The following UGT1A4 variants were observed in gnomAD, a reference collection of about 807,000 sequenced individuals.
UGT1A4 encodes UDP-glucuronosyltransferase 1A4.
UGT1A4 carries 32 observed loss-of-function variants against 41.1 expected under a neutral mutation model. The ratio of observed to expected loss-of-function variants is 0.78; its 90% CI spans 0.59 to 1.05. The LOEUF is 1.05. Among genes scored for constraint, UGT1A4 ranks in the 50% least tolerant of loss-of-function variants. The pLI is 0.00. For missense variants in UGT1A4, 748 were observed against 677.4 expected, an observed-to-expected ratio of 1.10 and a Z score of -1.16; for synonymous variants, 283 against 265.1, an observed-to-expected ratio of 1.07 and a Z score of -0.66.
In UGT1A4 at chr2:233,768,225, C is replaced by T; in HGVS notation, c.1093C>T (p.Pro365Ser). 6.2e-7 allele frequency: 1 copy of T among 1,614,112 alleles called. No homozygotes were observed. The highest frequency in any genetic ancestry group is 8.5e-7 in the Non-Finnish European group (1 of 1,180,032). Reference protein sequence around the residue: ...WLPQNDLLGHPMTRAFITHAG... With the variant: ...WLPQNDLLGHSMTRAFITHAG... Reference sequence around the variant, plus strand: ...CTCCCTATTTTGCATCTCAGGTCACCCGATGACCCGTGCCTTTATCACCCA... The same window carrying T: ...CTCCCTATTTTGCATCTCAGGTCACTCGATGACCCGTGCCTTTATCACCCA... Residue 365 changes from proline (P) to serine (S), a missense_variant, in exon 4 of 5, where the codon CCG becomes TCG. Pro to Ser is a moderately conservative substitution (Grantham distance 74). Transcript: ENST00000373409.
intron 1 of UGT1A4, among the ~76,000 whole-genome samples, chr2:233,733,272 C>A (rs1167854143): frequency 6.6e-6 from 1 of 152,152 alleles, no homozygotes; most frequent in African/African-American, 2.4e-5. Context: ...TATTTGACTT[C>A]CTCTTTTCCT....
rs1342997030 is a variant in UGT1A4 at position 233,718,971 on chromosome 2, C to T, written c.151C>T (p.Leu51Phe). The stretch of plus-strand genomic sequence containing the variant: ...CAGCATGCGGGAGGCCTTGCGGGAG[C>T]TCCATGCCAGAGGCCACCAGGCGGT... ...WLSMREALRELHARGHQAVVL... is the reference protein window; with the variant it reads ...WLSMREALREFHARGHQAVVL... Residue 51 changes from leucine (L) to phenylalanine (F), a missense_variant, in exon 1 of 5, where the codon CTC becomes TTC. Physicochemically the swap from Leu to Phe is conservative, Grantham distance 22 (BLOSUM62 0). Transcript: ENST00000373409. 5 of 1,614,090 alleles carry T rather than the reference C, an allele frequency of 3.1e-6. No individual in the cohort carries two copies. The highest frequency in any genetic ancestry group is 1.6e-4 in the Middle Eastern group (1 of 6,080).
Position 233,772,467 on chromosome 2 carries a change from T to C in UGT1A4, c.1513T>C (p.Phe505Leu), listed in dbSNP as rs761746377. Residue 505 changes from phenylalanine to leucine, a missense_variant, in exon 5 of 5, where the codon TTC becomes CTC. Transcript: ENST00000373409. ...FLLAVVLTVA[F>L]ITFKCCAYGY... is the part of the protein sequence containing the mutation. ...CTTGGCCGTCGTGCTGACAGTGGCC[T>C]TCATCACCTTTAAATGTTGTGCTTA... is the stretch of plus-strand genomic sequence containing the variant. 2 of 1,614,038 alleles carry C rather than the reference T, an allele frequency of 1.2e-6. No individual in the cohort carries two copies. The highest frequency in any genetic ancestry group is 1.3e-5 in the African/African-American group (1 of 74,916).
At chr2:233,768,166 A>G in intron 3 of UGT1A4, 54 bp from the exon 4 acceptor site, 2 of 1,613,684 alleles carry the variant, frequency 1.2e-6, no homozygotes, top group Non-Finnish European at 1.7e-6. Flanking sequence ...AGATGTGTCC[A>G]GCTGTGAAAC....
intron 1 of UGT1A4, among the ~76,000 whole-genome samples, chr2:233,749,338 G>A (rs996223048): frequency 2.0e-5 from 3 of 151,868 alleles, no homozygotes; most frequent in Admixed American, 6.5e-5. Flanking sequence ...GTTGAAAAGT[G>A]GGATGGAATT....
intron 1 of UGT1A4, among the ~76,000 whole-genome samples, chr2:233,746,609 G>T (rs1693438310): frequency 6.6e-6 from 1 of 151,680 alleles, no homozygotes; most frequent in Admixed American, 6.5e-5. Flanking sequence ...CTGTTCACCT[G>T]ACCCCTCCTT....
At chr2:233,746,859 G>T (rs1300459019) in intron 1 of UGT1A4, among the ~76,000 whole-genome samples, 1 of 151,794 alleles carries the variant, frequency 6.6e-6, no homozygotes, top group South Asian at 2.1e-4. Context: ...CTCAGCTGCA[G>T]CCTGATAAAC....
Position 233,767,934 on chromosome 2 carries a change from T to C in UGT1A4, c.1085T>C (p.Leu362Pro). 6.2e-7 allele frequency: 1 copy of C among 1,614,184 alleles called. No homozygotes were observed. Among genetic ancestry groups the C allele is most frequent in the Non-Finnish European group, 8.5e-7 (1 of 1,180,038 alleles). The stretch of plus-strand genomic sequence containing the variant: ...AAGTGGCTACCCCAAAACGATCTGC[T>C]TGGTATGTTGGGCGGATTGGATGTA... ...LVKWLPQNDL[L>P]GHPMTRAFIT... The change falls in exon 3 of 5, where the codon CTT becomes CCT. Residue 362 changes from leucine to proline, a missense_variant and splice_region_variant. Leu to Pro is a moderately conservative substitution (Grantham distance 98). Transcript: ENST00000373409.
intron 1 of UGT1A4, chr2:233,729,464 G>T: frequency 6.2e-7 from 1 of 1,614,158 alleles, no homozygotes; most frequent in Non-Finnish European, 8.5e-7. Context: ...TTTTTCAGAA[G>T]TATGGCAATG....
intron 1 of UGT1A4, chr2:233,760,312 C>A (rs370790922): frequency 6.2e-7 from 1 of 1,613,816 alleles, no homozygotes; most frequent in Non-Finnish European, 8.5e-7. Flanking sequence ...CCAGGGCGGA[C>A]GCCCACTTGT....
At chr2:233,760,686 C>T in intron 1 of UGT1A4, 1 of 1,614,220 alleles carries the variant, frequency 6.2e-7, no homozygotes, top group African/African-American at 1.3e-5. Flanking sequence ...TACTGCACAA[C>T]AAGGAGCTCA....
intron 1 of UGT1A4, chr2:233,743,646 A>C (rs754114212): frequency 1.5e-6 from 2 of 1,367,250 alleles, no homozygotes; most frequent in Admixed American, 3.8e-5. Context: ...CGGAAGCTGA[A>C]GACGTACTCG....
At chr2:233,760,900 A>G in intron 1 of UGT1A4, 1 of 1,613,770 alleles carries the variant, frequency 6.2e-7, no homozygotes, top group Non-Finnish European at 8.5e-7. Context: ...AGATCACATG[A>G]CCTTCCTGCA....
At chr2:233,756,457 C>A (rs1258626961) in intron 1 of UGT1A4, 1 of 151,910 alleles carries the variant, frequency 6.6e-6, no homozygotes, top group Non-Finnish European at 1.5e-5. Context: ...CAAATATTTT[C>A]AATCTGCTGT....
intron 1 of UGT1A4, chr2:233,721,835 C>T: frequency 1.9e-6 from 1 of 516,042 alleles, no homozygotes; most frequent in South Asian, 1.4e-5. Context: ...GGCCACCGAC[C>T]TTGTGTCCAG....
chr2:233,765,938 G>C (rs1244987830), intron 1 of UGT1A4, among the ~76,000 whole-genome samples: 1 of 152,062 alleles, frequency 6.6e-6, no homozygotes, highest in Non-Finnish European at 1.5e-5. Context: ...AGGTTGTGGG[G>C]CTCTGACCTC....
rs371639452 is a variant in UGT1A4 at position 233,765,570 on chromosome 2, C to T, written c.868-1464C>T. 3.9e-5 allele frequency among the ~76,000 whole-genome samples: 6 copies of T among 151,906 alleles called. No individual in the cohort carries two copies. In the South Asian group the frequency reaches 1.0e-3, roughly 26 times the overall value. ...GAGTTGAACAGTGAGAATGCGTAGACGCAGGGAGGGGAACAACACACACCA... is the reference window on the plus strand; with the variant it reads ...GAGTTGAACAGTGAGAATGCGTAGATGCAGGGAGGGGAACAACACACACCA... On this transcript the variant is annotated intron_variant, in intron 1 of 4. Coordinates refer to ENST00000373409, the MANE Select transcript of UGT1A4 (RefSeq NM_007120.3).
intron 1 of UGT1A4, among the ~76,000 whole-genome samples, chr2:233,748,877 G>T (rs1694052195): frequency 6.6e-6 from 1 of 151,560 alleles, no homozygotes; most frequent in Admixed American, 6.6e-5. Flanking sequence ...GGACGGTGAT[G>T]AATGGACATG....
rs1465114425 is a variant in UGT1A4, at chr2:233,719,286, C to A, written c.466C>A (p.Leu156Ile). The A allele has an allele frequency of 1.2e-6, 2 of 1,614,082 alleles. No individual in the cohort carries two copies. Among genetic ancestry groups the A allele is most frequent in the Non-Finnish European group, 1.7e-6 (2 of 1,179,972 alleles). ...FDVVLTDPVN[L>I]CGAVLAKYLS... ...TGTGGTTTTAACAGACCCCGTTAACCTCTGTGGGGCGGTGCTGGCTAAGTA... is the reference window on the plus strand; with the variant it reads ...TGTGGTTTTAACAGACCCCGTTAACATCTGTGGGGCGGTGCTGGCTAAGTA... Residue 156 changes from leucine (L) to isoleucine (I), a missense_variant, in exon 1 of 5, where the codon CTC becomes ATC. Physicochemically the swap from Leu to Ile is conservative, Grantham distance 5. Coordinates refer to ENST00000373409, the MANE Select transcript of UGT1A4 (RefSeq NM_007120.3).
Sources: gnomAD v4.1 joint callset for allele counts (sites outside exome capture counted in the v4.1 genomes callset) on GRCh38, gnomAD v4.1.1 for gene constraint, MANE v1.5 for transcripts, NCBI Gene and HGNC (gene_info 2026-07-23, HGNC 2026-07-21) for gene names.